The following WWOX variants were observed in gnomAD, a reference collection of about 807,000 sequenced individuals.
WWOX encodes WW domain containing oxidoreductase, also known as WW domain-containing oxidoreductase.
In WWOX, 69 loss-of-function variants were observed where a neutral mutation model predicts 46.2. That is an observed-to-expected ratio of 1.49 (90% CI 1.23 to 1.82). The LOEUF is 1.82. WWOX is among the 40% of genes most tolerant of loss of function. WWOX has a pLI of 0.00. For synonymous variants in WWOX, 359 were observed against 202.6 expected (o/e 1.77, Z -6.56); for missense variants, 919 against 542.6 (o/e 1.69, Z -6.89).
chr16:78,429,417 C>T lies in WWOX; in HGVS notation c.792-3071C>T, dbSNP rs1008845504. Among the ~76,000 whole-genome samples the T allele has an allele frequency of 4.8e-4, 73 of 152,290 alleles. 1 individual carries two copies. The highest frequency in any genetic ancestry group is 4.1e-4 in the South Asian group (2 of 4,824). On this transcript the variant is annotated intron_variant, in intron 7 of 8. Transcript: ENST00000566780. ...TCTCCCTGACTTCCACCCAAAAAAT[C>T]ACCATGATATCCAGCTGTGGAAGAG... is the stretch of plus-strand genomic sequence containing the variant.
intron 1 of WWOX, among the ~76,000 whole-genome samples, chr16:78,102,423 C>T (rs1301011212): frequency 6.6e-6 from 1 of 152,176 alleles, no homozygotes; most frequent in African/African-American, 2.4e-5. Context: ...GTTGGCAGAG[C>T]CAGAGAGTGG....
In WWOX at chr16:79,212,164, C is replaced by T. The variant is rs528362155; in HGVS notation, c.*368C>T. ...CCCTCGTCCCATCCAGCTACCACCACGGCCACCACTGCAGCCGGGGGCTGG... is the reference window on the plus strand; with the variant it reads ...CCCTCGTCCCATCCAGCTACCACCATGGCCACCACTGCAGCCGGGGGCTGG... On this transcript the variant is annotated 3_prime_UTR_variant, in exon 9 of 9. Coordinates refer to ENST00000566780, the MANE Select transcript of WWOX (RefSeq NM_016373.4). 32 of 1,494,344 alleles carry T rather than the reference C, an allele frequency of 2.1e-5. No homozygotes were observed. The highest frequency in any genetic ancestry group is 9.8e-5 in the African/African-American group (7 of 71,138). The allele number at this position is 1,494,344 out of a possible 1,614,324, so 92.6% of individuals were successfully genotyped here.
At chr16:79,107,208 T>A (rs145261782) in intron 8 of WWOX, among the ~76,000 whole-genome samples, 27 of 152,176 alleles carry the variant, frequency 1.8e-4, no homozygotes, top group African/African-American at 6.5e-4. Context: ...CCCAAAGTGC[T>A]GGGATGACAG....
Position 78,469,177 on chromosome 16 carries a change from G to C in WWOX, c.1056+36425G>C, listed in dbSNP as rs1597128757. 2.0e-5 allele frequency among the ~76,000 whole-genome samples: 3 copies of C among 152,276 alleles called. No individual in the cohort carries two copies. In the South Asian group the frequency reaches 6.2e-4, roughly 32 times the overall value. ...CAAGAAGTCACCACATGCTTGTTAT[G>C]GAAATCGTCAGGGATATTTATTCCC... On this transcript the variant is annotated intron_variant, in intron 8 of 8. Coordinates refer to ENST00000566780, the MANE Select transcript of WWOX (RefSeq NM_016373.4).
At chr16:78,674,950 C>T (rs2047556458) in intron 8 of WWOX, among the ~76,000 whole-genome samples, 1 of 151,980 alleles carries the variant, frequency 6.6e-6, no homozygotes, top group African/African-American at 2.4e-5. Context: ...GTTGTCTACC[C>T]TTATTATCCC....
intron 8 of WWOX, among the ~76,000 whole-genome samples, chr16:78,799,225 C>T (rs2050821731): frequency 6.6e-6 from 1 of 152,178 alleles, no homozygotes; most frequent in South Asian, 2.1e-4. Flanking sequence ...CAGAAAAGTT[C>T]ATCTGGAGTT....
intron 5 of WWOX, among the ~76,000 whole-genome samples, chr16:78,186,896 A>G (rs765375099): frequency 6.6e-6 from 1 of 152,258 alleles, no homozygotes; most frequent in Non-Finnish European, 1.5e-5. Flanking sequence ...TGATAGTCAC[A>G]GCATAACAAT....
At chr16:78,251,764 C>G (rs1192259290) in intron 5 of WWOX, among the ~76,000 whole-genome samples, 1 of 152,194 alleles carries the variant, frequency 6.6e-6, no homozygotes, top group Non-Finnish European at 1.5e-5. Context: ...TCAAGTAATT[C>G]TATCGTTAAA....
chr16:78,706,007 A>G (rs189337474), intron 8 of WWOX, among the ~76,000 whole-genome samples: 1 of 148,582 alleles, frequency 6.7e-6, no homozygotes, highest in Admixed American at 6.7e-5. Context: ...TATTCTCAAG[A>G]AGCTTTCATT....
At chr16:78,144,951 G>A (rs1397845377) in intron 4 of WWOX, among the ~76,000 whole-genome samples, 1 of 152,172 alleles carries the variant, frequency 6.6e-6, no homozygotes, top group Non-Finnish European at 1.5e-5. Flanking sequence ...GCTCTTAAGA[G>A]TACATCTTAT....
chr16:78,806,830 T>C (rs976080790), intron 8 of WWOX, among the ~76,000 whole-genome samples: 4 of 152,142 alleles, frequency 2.6e-5, no homozygotes, highest in African/African-American at 9.7e-5. Context: ...CATACTGCCA[T>C]GGCCACTTTT....
chr16:78,195,063 C>A (rs2036005421), intron 5 of WWOX, among the ~76,000 whole-genome samples: 2 of 152,194 alleles, frequency 1.3e-5, no homozygotes, highest in African/African-American at 4.8e-5. Flanking sequence ...ACTGGGACCC[C>A]AGTGGGCTTC....
chr16:78,712,458 T>C (rs2048463685), intron 8 of WWOX, among the ~76,000 whole-genome samples: 1 of 151,254 alleles, frequency 6.6e-6, no homozygotes, highest in Admixed American at 6.6e-5. Context: ...GCCGAGATTA[T>C]ACCACTGCAC....
chr16:78,323,324 C>T (rs775519591), intron 5 of WWOX, among the ~76,000 whole-genome samples: 2 of 152,160 alleles, frequency 1.3e-5, no homozygotes, highest in African/African-American at 2.4e-5. Flanking sequence ...CCAGGATGGT[C>T]TCGATCTCCT....
chr16:79,008,266 G>A (rs2047229127), intron 8 of WWOX, among the ~76,000 whole-genome samples: 1 of 152,172 alleles, frequency 6.6e-6, no homozygotes, highest in Admixed American at 6.5e-5. Flanking sequence ...CAAGACTGAA[G>A]GAGGCTCCCC....
chr16:78,858,016 C>T (rs9930958), intron 8 of WWOX, among the ~76,000 whole-genome samples: 3,642 of 152,150 alleles, frequency 0.024, 139 homozygotes, highest in African/African-American at 0.084. Flanking sequence ...TGACCTATTA[C>T]ATTCTAAATT....
At chr16:78,294,882 CAAAT>C (rs1030088569) in intron 5 of WWOX, among the ~76,000 whole-genome samples, 2 of 147,916 alleles carry the variant, frequency 1.4e-5, no homozygotes, top group Non-Finnish European at 3.0e-5. Context: ...AATGAATGGA[CAAAT>C]GAATGAATGT....
chr16:78,185,852 A>G (rs1049525814), intron 5 of WWOX, among the ~76,000 whole-genome samples: 1 of 86,424 alleles, frequency 1.2e-5, no homozygotes, highest in African/African-American at 5.0e-5. Flanking sequence ...TTTTTAGTAG[A>G]GATGGGTTTC....
intron 8 of WWOX, among the ~76,000 whole-genome samples, chr16:78,981,318 G>C (rs941570411): frequency 1.2e-4 from 18 of 152,214 alleles, no homozygotes; most frequent in African/African-American, 3.4e-4. Flanking sequence ...AACCAAAAAT[G>C]CTGGGTGGGG....
Sources: allele counts gnomAD v4.1 joint callset (sites outside exome capture counted in the v4.1 genomes callset), GRCh38; gene constraint gnomAD v4.1.1; transcripts MANE v1.5; gene names NCBI Gene and HGNC (gene_info 2026-07-23, HGNC 2026-07-21).